JAKMIP2: variants seen among roughly 807,000 people sequenced by gnomAD.
The protein encoded by JAKMIP2 is janus kinase and microtubule-interacting protein 2.
JAKMIP2 carries 25 observed loss-of-function variants against 115.0 expected under a neutral mutation model. The observed-to-expected ratio is 0.22, with a 90% CI of 0.16 to 0.30. The LOEUF is 0.30. Ranked by LOEUF, JAKMIP2 falls within the 10% of genes least tolerant of loss-of-function variation. The pLI is 1.00. For synonymous variants in JAKMIP2, 334 were observed against 343.6 expected (o/e 0.97, Z 0.31); for missense variants, 642 against 957.6 (o/e 0.67, Z 4.35).
intron 19 of JAKMIP2, 146 bp from the exon 20 acceptor site, chr5:147,612,517 A>G (rs1304069749): frequency 1.8e-6 from 1 of 564,700 alleles, no homozygotes; most frequent in Non-Finnish European, 3.1e-6. Context: ...TGTTTTCCCC[A>G]CCCAAAAACA....
intron 20 of JAKMIP2, among the ~76,000 whole-genome samples, chr5:147,603,100 T>C (rs1410233122): frequency 6.6e-6 from 1 of 152,186 alleles, no homozygotes; most frequent in African/African-American, 2.4e-5. Context: ...CATGAGGAGA[T>C]GCCCATCACT....
At chr5:147,608,890 C>T (rs1291725264) in intron 20 of JAKMIP2, among the ~76,000 whole-genome samples, 3 of 152,052 alleles carry the variant, frequency 2.0e-5, no homozygotes, top group Admixed American at 6.6e-5. Context: ...TAGGATAGTT[C>T]GCTCTTCTTG....
chr5:147,672,326 A>C (rs1029227500), intron 1 of JAKMIP2, among the ~76,000 whole-genome samples: 7 of 152,224 alleles, frequency 4.6e-5, no homozygotes, highest in Non-Finnish European at 1.0e-4. Flanking sequence ...TGATGACCTC[A>C]AAAGGCAGAG....
intron 1 of JAKMIP2, among the ~76,000 whole-genome samples, chr5:147,695,677 T>A (rs6863188): frequency 0.011 from 1,626 of 147,040 alleles, 16 homozygotes; most frequent in African/African-American, 0.027. Flanking sequence ...TGTGTGTGTG[T>A]GAGAGAGAGA....
chr5:147,614,654 CCT>C (rs1561848135), intron 19 of JAKMIP2, among the ~76,000 whole-genome samples: 3 of 152,078 alleles, frequency 2.0e-5, no homozygotes, highest in African/African-American at 7.3e-5. Context: ...TCCATGGTCC[CCT>C]GAGTTTAAGC....
At chr5:147,680,692 A>G (rs531006686) in intron 1 of JAKMIP2, among the ~76,000 whole-genome samples, 1 of 152,330 alleles carries the variant, frequency 6.6e-6, no homozygotes, top group Admixed American at 6.5e-5. Flanking sequence ...ACCTGCAGTG[A>G]CATCCTGTCA....
At position 147,602,932 on chromosome 5, in the gene JAKMIP2, G is replaced by A. The variant is rs183340303; in HGVS notation, c.2413-1121C>T. Among the ~76,000 whole-genome samples, 6 of 152,262 alleles carry A rather than the reference G, an allele frequency of 3.9e-5. No individual in the cohort carries two copies. In the East Asian group the frequency reaches 5.8e-4, roughly 15 times the overall value. On this transcript the variant is annotated intron_variant, in intron 20 of 21. Transcript: ENST00000616793. Reference sequence around the variant, plus strand: ...GTATGGCTCTAAGAGGCATGTATTGGTGGCTAGTCTATTATTCTGAAAAGC... The same window carrying A: ...GTATGGCTCTAAGAGGCATGTATTGATGGCTAGTCTATTATTCTGAAAAGC...
At chr5:147,636,029 T>C (rs1368802040) in intron 12 of JAKMIP2, among the ~76,000 whole-genome samples, 193 bp downstream of exon 12, 1 of 152,156 alleles carries the variant, frequency 6.6e-6, no homozygotes, top group Non-Finnish European at 1.5e-5. Flanking sequence ...CGCAGAGCCA[T>C]GCACACGTGC....
chr5:147,737,638 T>C (rs959835001), intron 1 of JAKMIP2, among the ~76,000 whole-genome samples: 1 of 152,168 alleles, frequency 6.6e-6, no homozygotes, highest in Non-Finnish European at 1.5e-5. Flanking sequence ...TTAAGTTGGG[T>C]GGTTTAAGTG....
chr5:147,697,734 T>C (rs972524782), intron 1 of JAKMIP2, among the ~76,000 whole-genome samples: 12 of 152,188 alleles, frequency 7.9e-5, no homozygotes, highest in African/African-American at 2.9e-4. Context: ...TGCTGGTGCA[T>C]AAAAGTCAAG....
chr5:147,658,092 C>T (rs1244902605), intron 3 of JAKMIP2, among the ~76,000 whole-genome samples: 2 of 152,060 alleles, frequency 1.3e-5, no homozygotes, highest in Non-Finnish European at 2.9e-5. Context: ...GGCATTCTGG[C>T]TTTTGCGATT....
At chr5:147,690,627 A>C (rs1212261504) in intron 1 of JAKMIP2, among the ~76,000 whole-genome samples, 1 of 149,856 alleles carries the variant, frequency 6.7e-6, no homozygotes, top group Non-Finnish European at 1.5e-5. Context: ...AGGTACATAC[A>C]TGCATAAAAA....
intron 18 of JAKMIP2, among the ~76,000 whole-genome samples, chr5:147,620,372 C>T (rs1296338051): frequency 6.6e-6 from 1 of 152,108 alleles, no homozygotes; most frequent in Non-Finnish European, 1.5e-5. Context: ...ACCTTGGTTT[C>T]CCAAAAGTGC....
chr5:147,776,938 A>T (rs2127089027), intron 1 of JAKMIP2, among the ~76,000 whole-genome samples: 1 of 152,208 alleles, frequency 6.6e-6, no homozygotes, highest in Middle Eastern at 3.4e-3. Context: ...AAAAATCATA[A>T]TAATAATAAA....
In JAKMIP2 at chr5:147,661,648, T is replaced by C. The variant is rs1174954563; in HGVS notation, c.130-203A>G. ...AGGAGGAAATACCTGAGGATATTTA[T>C]ATTACTTTGTTCAGATGAATATTTG... is the stretch of plus-strand genomic sequence containing the variant. On this transcript the variant is annotated intron_variant, in intron 2 of 21. Coordinates refer to ENST00000616793, the MANE Select transcript of JAKMIP2 (RefSeq NM_001270941.2). The C allele has an allele frequency of 1.1e-4, 65 of 569,866 alleles. 1 individual carries two copies. The East Asian group carries it at 1.9e-3, about 17-fold the overall frequency. 35.3% of individuals were successfully genotyped at this position (569,866 alleles called of 1,614,324 possible). A position where few individuals can be genotyped will look rare whatever the true frequency, so the allele number is the denominator to read the frequency against.
At chr5:147,638,537 C>T (rs1330379144) in intron 10 of JAKMIP2, among the ~76,000 whole-genome samples, 1 of 152,094 alleles carries the variant, frequency 6.6e-6, no homozygotes, top group Non-Finnish European at 1.5e-5. Context: ...TTTTTAAAAA[C>T]CTGCTTATTT....
In JAKMIP2 at chr5:147,764,923, AG is replaced by A. The variant is rs1435315966; in HGVS notation, c.-149+17532del. Among the ~76,000 whole-genome samples the A allele has an allele frequency of 9.7e-5, 7 of 71,924 alleles. 1 individual carries two copies. The highest frequency in any genetic ancestry group is 3.2e-4 in the African/African-American group (4 of 12,324). 47.2% of individuals were successfully genotyped at this position (71,924 alleles called of 152,430 possible). A position where few individuals can be genotyped will look rare whatever the true frequency, so the allele number is the denominator to read the frequency against. ...GAAAGAAAGAAAGAAAGAAAGAAAG[AG>A]AGAGAGAGAGAGAGAGAGAGAGGGA... On this transcript the variant is annotated intron_variant, in intron 1 of 21. Transcript: ENST00000616793.
At chr5:147,729,440 T>C (rs747028175) in intron 1 of JAKMIP2, among the ~76,000 whole-genome samples, 12 of 152,050 alleles carry the variant, frequency 7.9e-5, no homozygotes, top group Non-Finnish European at 1.5e-4. Context: ...ACCATTATAA[T>C]TTCAAAAGGT....
chr5:147,587,343 ACT>A lies in JAKMIP2; in HGVS notation c.*4362_*4363del, dbSNP rs944168348. The stretch of plus-strand genomic sequence containing the variant: ...AAAAGCTGTCATTAATTACCAAAAC[ACT>A]GTTATGAAAATTTCACAAAAGGCAA... On this transcript the variant is annotated 3_prime_UTR_variant, in exon 22 of 22. Transcript: ENST00000616793. The A allele has an allele frequency of 6.6e-5, 10 of 152,104 alleles. No individual in the cohort carries two copies. The highest frequency in any genetic ancestry group is 2.2e-4 in the African/African-American group (9 of 41,418). 9.4% of individuals were successfully genotyped at this position (152,104 alleles called of 1,614,324 possible). A position where few individuals can be genotyped will look rare whatever the true frequency, so the allele number is the denominator to read the frequency against.
Sources: gnomAD v4.1 joint callset for allele counts (sites outside exome capture counted in the v4.1 genomes callset) on GRCh38, gnomAD v4.1.1 for gene constraint, MANE v1.5 for transcripts, NCBI Gene and HGNC (gene_info 2026-07-23, HGNC 2026-07-21) for gene names.